CRBN: variants seen among roughly 807,000 people sequenced by gnomAD.
CRBN encodes the protein cereblon.
In CRBN, 53 loss-of-function variants were observed where a neutral mutation model predicts 62.2. That is an observed-to-expected ratio of 0.85 (90% CI 0.68 to 1.07). CRBN has a LOEUF of 1.07. CRBN is among the 50% of genes least tolerant of loss of function. The probability of loss-of-function intolerance (pLI) is 0.00; values close to 1 mark genes in which losing one functional copy is unlikely to be tolerated. For missense variants in CRBN, 616 were observed against 531.1 expected (o/e 1.16, Z -1.57); for synonymous variants, 208 against 176.1 (o/e 1.18, Z -1.43).
chr3:3,179,664 C>T lies in CRBN; in HGVS notation c.24G>A (p.Gln8=). 2 of 1,613,176 alleles carry T rather than the reference C, an allele frequency of 1.2e-6. No homozygotes were observed. Among genetic ancestry groups the T allele is most frequent in the South Asian group, 1.1e-5 (1 of 91,028 alleles). Residue 8 remains glutamine, a synonymous_variant, in exon 1 of 11, where the codon CAG becomes CAA. Transcript: ENST00000231948. MAGEGDQ[Q]DAAHNMGNHL... ...GGTTGCCCATGTTGTGCGCAGCGTC[C>T]TGCTGATCTCCTTCGCCGGCCATGT...
intron 5 of CRBN, among the ~76,000 whole-genome samples, chr3:3,157,558 T>A (rs1706949805): frequency 1.3e-5 from 2 of 152,154 alleles, no homozygotes; most frequent in Admixed American, 1.3e-4. Context: ...ATACGCTGAA[T>A]GATACTTACC....
At chr3:3,164,059 TAAC>T (rs1314512858) in intron 5 of CRBN, among the ~76,000 whole-genome samples, 1 of 152,194 alleles carries the variant, frequency 6.6e-6, no homozygotes, top group Non-Finnish European at 1.5e-5. Context: ...ACAGTAAACT[TAAC>T]AAATGTGTTT....
Position 3,179,622 on chromosome 3 carries a change from A to T in CRBN, c.66T>A (p.Pro22=), listed in dbSNP as rs1707988283. The part of the protein sequence containing the change: ...HNMGNHLPLL[P]AESEEEDEME... ...CAGGGAACTACTCCGGGCGGTTACC[A>T]GGCAGGAGCGGCAGGTGGTTGCCCA... is the stretch of plus-strand genomic sequence containing the variant. Residue 22 remains proline (P), a splice_region_variant and synonymous_variant, in exon 1 of 11, where the codon CCT becomes CCA. Transcript: ENST00000231948. 1 of 1,613,518 alleles carries T rather than the reference A, an allele frequency of 6.2e-7. No individual in the cohort carries two copies. The highest frequency in any genetic ancestry group is 8.5e-7 in the Non-Finnish European group (1 of 1,179,644).
chr3:3,156,128 A>C, intron 6 of CRBN, 91 bp downstream of exon 6: 3 of 1,100,836 alleles, frequency 2.7e-6, no homozygotes, highest in Non-Finnish European at 4.2e-6. Flanking sequence ...AAGGCACTAG[A>C]AACTGGAAAA....
chr3:3,154,465 T>TA (rs1055077345), intron 7 of CRBN: 14 of 492,370 alleles, frequency 2.8e-5, no homozygotes, highest in African/African-American at 2.1e-4. Flanking sequence ...AAGGAGTCCT[T>TA]ACACAGGAAG....
chr3:3,152,880 T>G (rs1002068295), intron 9 of CRBN: 21 of 432,538 alleles, frequency 4.9e-5, no homozygotes, highest in African/African-American at 3.8e-4. Context: ...AAAACTCAAA[T>G]GCTTCTAAAG....
chr3:3,156,548 G>T, intron 5 of CRBN: 1 of 477,038 alleles, frequency 2.1e-6, no homozygotes, highest in Non-Finnish European at 3.7e-6. Context: ...GACAACTTTG[G>T]GAAGATAAAT....
intron 4 of CRBN, among the ~76,000 whole-genome samples, chr3:3,171,407 G>A (rs1020092629): frequency 6.6e-6 from 1 of 151,574 alleles, no homozygotes. Context: ...CGCCCCAGGA[G>A]ATCATTCTTT....
intron 7 of CRBN, 29 bp downstream of exon 7, chr3:3,154,718 G>T: frequency 8.2e-7 from 1 of 1,217,294 alleles, no homozygotes; most frequent in Non-Finnish European, 1.2e-6. Flanking sequence ...GACATCCCAG[G>T]CTCCAGGCAG....
At chr3:3,173,966 A>G (rs945765287) in intron 3 of CRBN, 93 bp downstream of exon 3, 30 of 1,086,866 alleles carry the variant, frequency 2.8e-5, no homozygotes, top group Admixed American at 2.6e-4. Flanking sequence ...TCTCCTGTAC[A>G]TGCGAAATAA....
rs1190452951 is a variant in CRBN, at chr3:3,154,939, T to C, written c.751-108A>G. The stretch of plus-strand genomic sequence containing the variant: ...CACTGGTAGCAATTTAATCACTCAG[T>C]CCCATCTCAGTCCCAGTTTAAATGC... On this transcript the variant is annotated intron_variant, in intron 6 of 10. Transcript: ENST00000231948. 4 of 722,322 alleles carry C rather than the reference T, an allele frequency of 5.5e-6. No individual in the cohort carries two copies. The African/African-American group carries it at 7.0e-5, about 13-fold the overall frequency. 44.7% of individuals were successfully genotyped at this position (722,322 alleles called of 1,614,324 possible).
chr3:3,175,130 C>T, intron 2 of CRBN, 33 bp downstream of exon 2: 1 of 1,295,304 alleles, frequency 7.7e-7, no homozygotes, highest in East Asian at 2.3e-5. Context: ...AAATGTATAT[C>T]TATTATATTA....
intron 5 of CRBN, chr3:3,156,520 T>G (rs187073493): frequency 3.0e-5 from 16 of 527,822 alleles, no homozygotes; most frequent in Non-Finnish European, 1.3e-5. Context: ...GGTCAAACAT[T>G]AAAATTTCAA....
chr3:3,168,192 C>G (rs1349115883), intron 4 of CRBN, among the ~76,000 whole-genome samples: 6 of 152,216 alleles, frequency 3.9e-5, no homozygotes, highest in African/African-American at 1.4e-4. Context: ...TCTTATGCTG[C>G]TTAACTCTTA....
At chr3:3,155,713 C>T (rs559305543) in intron 6 of CRBN, 2 of 155,626 alleles carry the variant, frequency 1.3e-5, no homozygotes, top group African/African-American at 4.8e-5. Flanking sequence ...AAAACCAAAA[C>T]AGTAAAATAT....
intron 5 of CRBN, among the ~76,000 whole-genome samples, chr3:3,166,098 C>T (rs555733341): frequency 9.2e-5 from 14 of 152,100 alleles, no homozygotes; most frequent in Admixed American, 5.9e-4. Flanking sequence ...AAGTATTGCA[C>T]GGTGATATGA....
At chr3:3,169,715 G>A (rs1290461070) in intron 4 of CRBN, among the ~76,000 whole-genome samples, 1 of 152,276 alleles carries the variant, frequency 6.6e-6, no homozygotes. Flanking sequence ...AGCTATATAT[G>A]TGTAACATTT....
At chr3:3,174,333 G>A in intron 2 of CRBN, 72 bp from the exon 3 acceptor site, 1 of 1,205,166 alleles carries the variant, frequency 8.3e-7, no homozygotes, top group Admixed American at 1.8e-5. Context: ...ACAGACTAAA[G>A]AGCAAATCAC....
intron 4 of CRBN, 85 bp from the exon 5 acceptor site, chr3:3,167,878 A>C: frequency 7.5e-7 from 1 of 1,333,884 alleles, no homozygotes; most frequent in Non-Finnish European, 1.1e-6. Context: ...GATAATTTTA[A>C]ATACCAAGAT....
Sources: allele counts gnomAD v4.1 joint callset (sites outside exome capture counted in the v4.1 genomes callset), GRCh38; gene constraint gnomAD v4.1.1; transcripts MANE v1.5; gene names NCBI Gene and HGNC (gene_info 2026-07-23, HGNC 2026-07-21).